Variants in CNNM2 observed in about 807,000 individuals in gnomAD.
CNNM2 encodes cyclin and CBS domain divalent metal cation transport mediator 2, also known as metal transporter CNNM2.
CNNM2 carries 12 observed loss-of-function variants against 66.9 expected under a neutral mutation model. The ratio of observed to expected loss-of-function variants is 0.18; its 90% CI spans 0.11 to 0.29. The LOEUF (loss-of-function observed/expected upper bound fraction) is 0.29. CNNM2 is among the 10% of genes least tolerant of loss of function. The probability of loss-of-function intolerance (pLI) is 1.00; values close to 1 mark genes in which losing one functional copy is unlikely to be tolerated. For missense variants in CNNM2, 705 were observed against 1,167.7 expected (o/e 0.60, Z 5.77); for synonymous variants, 557 against 501.8 (o/e 1.11, Z -1.47).
rs1427292132 is a variant in CNNM2, at chr10:103,077,434, A to G, written c.*254A>G. 1 of 462,430 alleles carries G rather than the reference A, an allele frequency of 2.2e-6. No homozygotes were observed. Among genetic ancestry groups the G allele is most frequent in the Non-Finnish European group, 3.8e-6 (1 of 259,820 alleles). 28.6% of individuals were successfully genotyped at this position (462,430 alleles called of 1,614,324 possible). ...AGATGAACTGATTCCGCCCAAATAG[A>G]ATCATGTTTATTTTTTCAGCTCTCC... On this transcript the variant is annotated 3_prime_UTR_variant, in exon 8 of 8. Coordinates refer to ENST00000369878, the MANE Select transcript of CNNM2 (RefSeq NM_017649.5).
At position 103,054,481 on chromosome 10, in the gene CNNM2, T is replaced by G. The variant is rs775317544; in HGVS notation, c.1903+15T>G. On this transcript the variant is annotated intron_variant, in intron 3 of 7. Transcript: ENST00000369878. This position sits in a 1 kb window ranked among gnomAD's most constrained non-coding sequence, Gnocchi z 5.2. ...CCTAGCAACAGGCAAGTGCAGCTTA[T>G]CACAGTTTGAGATCTCTACCAACCC... The G allele has an allele frequency of 8.1e-6, 13 of 1,612,872 alleles. No individual in the cohort carries two copies. In the South Asian group the frequency reaches 1.4e-4, roughly 18 times the overall value.
intron 1 of CNNM2, among the ~76,000 whole-genome samples, chr10:102,978,026 C>T (rs928442649): frequency 1.8e-4 from 28 of 151,994 alleles, no homozygotes; most frequent in African/African-American, 5.8e-4. Flanking sequence ...TCTCCTGCCT[C>T]AGCTTCCCAA....
chr10:102,925,561 C>T (rs1845831801), intron 1 of CNNM2, among the ~76,000 whole-genome samples: 1 of 152,182 alleles, frequency 6.6e-6, no homozygotes, highest in Non-Finnish European at 1.5e-5. Context: ...TAGCTAGTAG[C>T]ATCAACTGAA....
intron 1 of CNNM2, among the ~76,000 whole-genome samples, chr10:102,943,601 A>T (rs141896642): frequency 5.7e-4 from 87 of 152,360 alleles, no homozygotes; most frequent in African/African-American, 2.0e-3. Flanking sequence ...GCACAAAAAA[A>T]GTCAAGAGTA....
chr10:103,047,379 C>T (rs1401537009), intron 1 of CNNM2, among the ~76,000 whole-genome samples: 1 of 152,168 alleles, frequency 6.6e-6, no homozygotes, highest in Non-Finnish European at 1.5e-5. Context: ...GAAAAACTGT[C>T]ACAGACCAGA....
At chr10:103,010,863 C>T (rs182626475) in intron 1 of CNNM2, among the ~76,000 whole-genome samples, 2 of 152,052 alleles carry the variant, frequency 1.3e-5, no homozygotes, top group Non-Finnish European at 1.5e-5. Flanking sequence ...TCCACTCCCC[C>T]CAGCCTCCCA....
At chr10:102,956,204 C>T (rs963841690) in intron 1 of CNNM2, among the ~76,000 whole-genome samples, 1 of 148,344 alleles carries the variant, frequency 6.7e-6, no homozygotes, top group East Asian at 2.0e-4. Flanking sequence ...AGGAGAATGG[C>T]GTGAACCCAG....
At chr10:103,002,580 A>T (rs1052296471) in intron 1 of CNNM2, among the ~76,000 whole-genome samples, 1 of 149,008 alleles carries the variant, frequency 6.7e-6, no homozygotes, top group Non-Finnish European at 1.5e-5. Flanking sequence ...CCTGGGTTCG[A>T]GTGATTCTCC....
At chr10:103,062,677 C>T (rs538632571) in intron 4 of CNNM2, among the ~76,000 whole-genome samples, 47 of 152,310 alleles carry the variant, frequency 3.1e-4, no homozygotes, top group Non-Finnish European at 5.6e-4. Flanking sequence ...TGCTGCCCTG[C>T]GAGCTCCCTT....
chr10:103,004,251 C>T (rs1178159525), intron 1 of CNNM2, among the ~76,000 whole-genome samples: 1 of 152,138 alleles, frequency 6.6e-6, no homozygotes, highest in Non-Finnish European at 1.5e-5. Context: ...GATCTGCCCG[C>T]CTCAGCCTCC....
intron 1 of CNNM2, among the ~76,000 whole-genome samples, chr10:103,006,291 C>G (rs2064225807): frequency 6.6e-6 from 1 of 151,400 alleles, no homozygotes; most frequent in Admixed American, 6.6e-5. Context: ...ACTGCAACCT[C>G]TGCCTTGGGG....
chr10:103,059,646 T>C (rs980130726), intron 4 of CNNM2, among the ~76,000 whole-genome samples: 9 of 152,178 alleles, frequency 5.9e-5, no homozygotes, highest in African/African-American at 2.2e-4. Flanking sequence ...AAAAACTTTA[T>C]TGGCTCTACA....
chr10:103,055,404 A>G (rs1333370781), intron 3 of CNNM2, among the ~76,000 whole-genome samples: 1 of 152,274 alleles, frequency 6.6e-6, no homozygotes, highest in African/African-American at 2.4e-5. Flanking sequence ...TCACAATATT[A>G]TATTTATCAC....
chr10:102,960,324 G>A (rs1179254154), intron 1 of CNNM2, among the ~76,000 whole-genome samples: 1 of 152,108 alleles, frequency 6.6e-6, no homozygotes, highest in Non-Finnish European at 1.5e-5. Context: ...GGTACCTACT[G>A]TGCAGATCAT....
intron 1 of CNNM2, among the ~76,000 whole-genome samples, chr10:102,942,290 G>A (rs1846461593): frequency 6.6e-6 from 1 of 152,132 alleles, no homozygotes. Flanking sequence ...TTGCAAAACT[G>A]AATCTCTATA....
At position 103,089,576 on chromosome 10, in the gene CNNM2, C is replaced by G. The variant is rs997483456; in HGVS notation, c.*12396C>G. The G allele has an allele frequency of 1.4e-6, 2 of 1,431,088 alleles. No individual in the cohort carries two copies. The highest frequency in any genetic ancestry group is 2.9e-5 in the African/African-American group (2 of 69,646). 88.6% of individuals were successfully genotyped at this position (1,431,088 alleles called of 1,614,324 possible). Reference sequence around the variant, plus strand: ...AGACGTACCTTTCATGGAGCCCCCTCCCTCCCCCGAGTAGAACCCTAACAG... The same window carrying G: ...AGACGTACCTTTCATGGAGCCCCCTGCCTCCCCCGAGTAGAACCCTAACAG... On this transcript the variant is annotated 3_prime_UTR_variant, in exon 8 of 8. Coordinates refer to ENST00000369878, the MANE Select transcript of CNNM2 (RefSeq NM_017649.5).
At chr10:102,925,963 CTT>C (rs1179189491) in intron 1 of CNNM2, among the ~76,000 whole-genome samples, 1 of 151,970 alleles carries the variant, frequency 6.6e-6, no homozygotes, top group Non-Finnish European at 1.5e-5. Flanking sequence ...TTTTATTTGA[CTT>C]AGCTTATTTT....
intron 1 of CNNM2, among the ~76,000 whole-genome samples, chr10:102,989,631 G>A (rs568774307): frequency 1.4e-3 from 212 of 151,702 alleles, no homozygotes; most frequent in African/African-American, 5.0e-3. Context: ...GGCGAAACCC[G>A]ATCTCTACTA....
intron 1 of CNNM2, among the ~76,000 whole-genome samples, chr10:103,010,217 T>C (rs907796962): frequency 6.6e-6 from 1 of 152,108 alleles, no homozygotes; most frequent in African/African-American, 2.4e-5. Context: ...ATAGTATATA[T>C]AATATGACCA....
Sources: gnomAD v4.1 joint callset for allele counts (sites outside exome capture counted in the v4.1 genomes callset) on GRCh38, gnomAD v4.1.1 for gene constraint, Gnocchi (gnomAD v3.1) non-coding constraint, MANE v1.5 for transcripts, NCBI Gene and HGNC (gene_info 2026-07-23, HGNC 2026-07-21) for gene names.